PMS1: variants seen among roughly 807,000 people sequenced by gnomAD.
PMS1 encodes the protein PMS1 homolog 1, mismatch repair system component.
In PMS1, 79 loss-of-function variants were observed where a neutral mutation model predicts 93.1. That is an observed-to-expected ratio of 0.85 (90% CI 0.71 to 1.02). The LOEUF is 1.02. Among genes scored for constraint, PMS1 ranks in the 50% least tolerant of loss-of-function variants. The pLI, the probability that PMS1 is intolerant of heterozygous loss-of-function variation, is 0.00. For synonymous variants in PMS1, 335 were observed against 363.4 expected (o/e 0.92, Z 0.89); for missense variants, 1,064 against 1,085.3 (o/e 0.98, Z 0.28).
intron 12 of PMS1, among the ~76,000 whole-genome samples, chr2:189,875,527 G>A (rs1218696169): frequency 3.9e-5 from 6 of 152,040 alleles, no homozygotes; most frequent in Non-Finnish European, 5.9e-5. Flanking sequence ...AGGAATAGAC[G>A]ACATTTGCCA....
At position 189,863,744 on chromosome 2, in the gene PMS1, T is replaced by C; in HGVS notation, c.1858T>C (p.Tyr620His). The stretch of plus-strand genomic sequence containing the variant: ...GTTCTATTTTATTTCTATTCTTAGA[T>C]ATGAAGAGAAGGCTACTAAAGACTT... ...KTLSEEEKLKYEEKATKDLER... is the reference protein window; with the variant it reads ...KTLSEEEKLKHEEKATKDLER... The change falls in exon 10 of 13, where the codon TAT becomes CAT. Residue 620 changes from tyrosine to histidine, a missense_variant and splice_region_variant. Transcript: ENST00000441310. 4 of 1,576,140 alleles carry C rather than the reference T, an allele frequency of 2.5e-6. No homozygotes were observed. Among genetic ancestry groups the C allele is most frequent in the Non-Finnish European group, 3.5e-6 (4 of 1,145,742 alleles).
intron 4 of PMS1, among the ~76,000 whole-genome samples, chr2:189,810,626 A>G (rs1274833981): frequency 6.6e-6 from 1 of 152,206 alleles, no homozygotes; most frequent in African/African-American, 2.4e-5. Context: ...AAAAGTGATT[A>G]AGAAAATTGG....
At chr2:189,817,647 CTG>C (rs2051440360) in intron 4 of PMS1, among the ~76,000 whole-genome samples, 1 of 152,118 alleles carries the variant, frequency 6.6e-6, no homozygotes, top group Non-Finnish European at 1.5e-5. Flanking sequence ...ATTATATAAA[CTG>C]TAATATTATA....
In PMS1 at chr2:189,842,017, G is replaced by A. The variant is rs78209384; in HGVS notation, c.583-1947G>A. On this transcript the variant is annotated intron_variant, in intron 5 of 12. Transcript: ENST00000441310. ...GTCAAATGTGTCCTATTCCTGCCTC[G>A]TTATTTCCCTGTCTGCTTGCATTTC... is the stretch of plus-strand genomic sequence containing the variant. Among the ~76,000 whole-genome samples the A allele has an allele frequency of 2.7e-5, 4 of 150,310 alleles. No homozygotes were observed. The East Asian group carries it at 8.1e-4, about 30-fold the overall frequency.
chr2:189,814,956 AG>A, intron 4 of PMS1, among the ~76,000 whole-genome samples: 1 of 152,178 alleles, frequency 6.6e-6, no homozygotes, highest in Non-Finnish European at 1.5e-5. Context: ...AAAATTAGCC[AG>A]GCGGGCTGGC....
At position 189,863,960 on chromosome 2, in the gene PMS1, C is replaced by CA. The variant is rs1242910781; in HGVS notation, c.2078dup (p.Asn693LysfsTer3). 4 of 1,608,276 alleles carry CA rather than the reference C, an allele frequency of 2.5e-6. No homozygotes were observed. Among genetic ancestry groups the CA allele is most frequent in the Non-Finnish European group, 3.4e-6 (4 of 1,176,014 alleles). ...GTCCCAAATTGAAAAAAGAAGGAGT[C>CA]AAAATATTAAAATGGTACAGATCCC... On this transcript the variant is annotated frameshift_variant, in exon 10 of 13. Transcript: ENST00000441310. LOFTEE classifies it high-confidence loss of function.
At chr2:189,787,603 AT>A (rs11413317) in intron 1 of PMS1, among the ~76,000 whole-genome samples, 20 of 149,128 alleles carry the variant, frequency 1.3e-4, no homozygotes, top group African/African-American at 4.7e-4. Context: ...TCACTTTTTT[AT>A]TTTTTTTTTA....
intron 5 of PMS1, among the ~76,000 whole-genome samples, chr2:189,831,109 TAGAG>T (rs2052894013): frequency 6.6e-6 from 1 of 152,094 alleles, no homozygotes; most frequent in Non-Finnish European, 1.5e-5. Flanking sequence ...TAAGTAGAGA[TAGAG>T]AAATAGTTTA....
intron 5 of PMS1, among the ~76,000 whole-genome samples, chr2:189,830,427 A>G (rs954056725): frequency 6.6e-6 from 1 of 152,110 alleles, no homozygotes; most frequent in African/African-American, 2.4e-5. Context: ...TTAGGTCTTC[A>G]CTTAAACTTT....
At chr2:189,826,472 A>G (rs1202991359) in intron 5 of PMS1, among the ~76,000 whole-genome samples, 1 of 147,712 alleles carries the variant, frequency 6.8e-6, no homozygotes, top group African/African-American at 2.5e-5. Flanking sequence ...TTTGCTACTT[A>G]CAAATTAATG....
intron 3 of PMS1, among the ~76,000 whole-genome samples, chr2:189,799,446 C>T (rs1453176814): frequency 3.3e-5 from 5 of 152,176 alleles, no homozygotes; most frequent in Non-Finnish European, 5.9e-5. Flanking sequence ...TACCCACTCC[C>T]AGTCAGTACT....
chr2:189,787,588 T>C (rs1409255105), intron 1 of PMS1, among the ~76,000 whole-genome samples: 1 of 119,150 alleles, frequency 8.4e-6, no homozygotes, highest in Non-Finnish European at 1.7e-5. Flanking sequence ...TAATTAAGAT[T>C]AACTTCACTT....
intron 9 of PMS1, among the ~76,000 whole-genome samples, chr2:189,863,352 C>T (rs1394645671): frequency 6.6e-6 from 1 of 150,838 alleles, no homozygotes; most frequent in Non-Finnish European, 1.5e-5. Flanking sequence ...CTCCTGGGTT[C>T]AAGCAATTCT....
In PMS1 at chr2:189,854,788, A is replaced by T. The variant is rs1283932506; in HGVS notation, c.1516A>T (p.Asn506Tyr). Residue 506 changes from asparagine (N) to tyrosine (Y), a missense_variant, in exon 9 of 13, where the codon AAT becomes TAT. Asn to Tyr is a moderately radical substitution (Grantham distance 143). Transcript: ENST00000441310. ...GTGGAGCAGGGGAAATATACTTAAA[A>T]ATTCAGTGGGAGAGAATATTGAACC... ...DEWSRGNILK[N>Y]SVGENIEPVK... 1 of 1,613,636 alleles carries T rather than the reference A, an allele frequency of 6.2e-7. No individual in the cohort carries two copies. Among genetic ancestry groups the T allele is most frequent in the East Asian group, 2.2e-5 (1 of 44,834 alleles).
intron 4 of PMS1, among the ~76,000 whole-genome samples, chr2:189,808,521 G>A (rs5743025): frequency 7.2e-4 from 110 of 152,128 alleles, no homozygotes; most frequent in African/African-American, 2.5e-3. Flanking sequence ...AGTAGAGACA[G>A]GGTTTTGCCG....
At chr2:189,816,104 C>A (rs1025341994) in intron 4 of PMS1, among the ~76,000 whole-genome samples, 1 of 152,116 alleles carries the variant, frequency 6.6e-6, no homozygotes, top group African/African-American at 2.4e-5. Flanking sequence ...ACTGTGTTGC[C>A]CAGTCTGGTC....
intron 5 of PMS1, among the ~76,000 whole-genome samples, chr2:189,843,468 C>T (rs140055669): frequency 3.5e-4 from 53 of 152,288 alleles, no homozygotes; most frequent in African/African-American, 1.1e-3. Context: ...ATTAAGAATG[C>T]TCTTTCCGAA....
At chr2:189,853,520 C>CTTTTTTTTTTTTTTTT (rs397976954) in intron 7 of PMS1, among the ~76,000 whole-genome samples, 1 of 141,382 alleles carries the variant, frequency 7.1e-6, no homozygotes, top group Non-Finnish European at 1.5e-5. Flanking sequence ...CTTTTCTTTT[C>CTTTTTTTTTTTTTTTT]TTTTTTTTTT....
rs545245308 is a variant in PMS1 at position 189,812,194 on chromosome 2, G to A, written c.419-5823G>A. On this transcript the variant is annotated intron_variant, in intron 4 of 12. Transcript: ENST00000441310. ...TGCATACCTGTAATCCCAGCTACTC[G>A]GGAGGGTGAGGCAGGAGAATTGCTT... Among the ~76,000 whole-genome samples, 4 of 152,182 alleles carry A rather than the reference G, an allele frequency of 2.6e-5. 1 individual carries two copies. The South Asian group carries it at 6.2e-4, about 24-fold the overall frequency.
Sources: allele counts gnomAD v4.1 joint callset (sites outside exome capture counted in the v4.1 genomes callset), GRCh38; gene constraint gnomAD v4.1.1; transcripts MANE v1.5; gene names NCBI Gene and HGNC (gene_info 2026-07-23, HGNC 2026-07-21).